COL6A3: variants seen among roughly 807,000 people sequenced by gnomAD.
COL6A3 encodes the protein collagen alpha-3(VI) chain.
A neutral mutation model predicts 274.1 loss-of-function variants in COL6A3; 137 were observed. The observed-to-expected ratio is 0.50, with a 90% CI of 0.44 to 0.58. COL6A3 has a LOEUF of 0.58. Among genes scored for constraint, COL6A3 ranks in the 20% least tolerant of loss-of-function variants. The pLI is 0.00. For synonymous variants in COL6A3, 1,650 were observed against 1,650.6 expected, an observed-to-expected ratio of 1.00 and a Z score of 0.01; for missense variants, 3,950 against 4,124.9, an observed-to-expected ratio of 0.96 and a Z score of 1.16.
rs776270797 is a variant in COL6A3, at chr2:237,381,254, C to T, written c.1558G>A (p.Gly520Ser). Residue 520 changes from glycine (G) to serine (S), a missense_variant, in exon 5 of 44, where the codon GGC becomes AGC. This residue lies in a region of COL6A3 where 1,934 missense variants were observed against 1,984.3 expected (regional missense o/e 0.97). Coordinates refer to ENST00000295550, the MANE Select transcript of COL6A3 (RefSeq NM_004369.4). ...TAVRKMKPLD[G>S]SALYTGSALD... ...GCAGAGCCCGTGTACAGGGCCGAGC[C>T]GTCCAGGGGCTTCATTTTCCGCACA... 15 of 1,614,110 alleles carry T rather than the reference C, an allele frequency of 9.3e-6. No individual in the cohort carries two copies. The highest frequency in any genetic ancestry group is 6.7e-5 in the African/African-American group (5 of 74,946).
chr2:237,327,646 G>A (rs1700020834), intron 42 of COL6A3: 1 of 152,144 alleles, frequency 6.6e-6, no homozygotes, highest in South Asian at 2.1e-4. Flanking sequence ...ATATTAGTGA[G>A]GTGAGAACCC....
At position 237,380,991 on chromosome 2, in the gene COL6A3, C is replaced by T. The variant is rs1247945663; in HGVS notation, c.1821G>A (p.Glu607=). The T allele has an allele frequency of 6.2e-7, 1 of 1,614,214 alleles. No individual in the cohort carries two copies. The highest frequency in any genetic ancestry group is 1.7e-5 in the Admixed American group (1 of 60,024). Residue 607 remains glutamate (E), a synonymous_variant, in exon 5 of 44, where the codon GAG becomes GAA. Coordinates refer to ENST00000295550, the MANE Select transcript of COL6A3 (RefSeq NM_004369.4). ...FDSSLVFIPA[E]FRAAPLQGML... ...TGCCTTGCAATGGGGCGGCTCGGAA[C>T]TCAGCTGGGATGAACACCAGGGAGG...
chr2:237,372,375 T>G (rs753250121), intron 8 of COL6A3, 38 bp from the exon 9 acceptor site: 1 of 1,600,428 alleles, frequency 6.2e-7, no homozygotes, highest in South Asian at 1.1e-5. Context: ...ACCTTCATCG[T>G]CACCAAATTC....
At chr2:237,359,467 TC>T in intron 17 of COL6A3, 79 bp from the exon 18 acceptor site, 1 of 1,409,196 alleles carries the variant, frequency 7.1e-7, no homozygotes, top group Non-Finnish European at 1.0e-6. Flanking sequence ...CAAGGGCTGT[TC>T]CCCCACTCCA....
rs1052919399 is a variant in COL6A3 at position 237,407,855 on chromosome 2, T to C, written c.-31+6098A>G. On this transcript the variant is annotated intron_variant, in intron 1 of 43. Coordinates refer to ENST00000295550, the MANE Select transcript of COL6A3 (RefSeq NM_004369.4). This position sits in a 1 kb window ranked among gnomAD's most constrained non-coding sequence, Gnocchi z 4.3. The stretch of plus-strand genomic sequence containing the variant: ...GGCAGAGACTAGTTCCATTTCAACA[T>C]TAAAGAAGAAAGGTGCATTAGAAAA... Among the ~76,000 whole-genome samples, 5 of 152,200 alleles carry C rather than the reference T, an allele frequency of 3.3e-5. No homozygotes were observed. Among genetic ancestry groups the C allele is most frequent in the Admixed American group, 3.3e-4 (5 of 15,288 alleles).
chr2:237,333,395 T>C, intron 42 of COL6A3, 55 bp downstream of exon 42: 1 of 1,521,628 alleles, frequency 6.6e-7, no homozygotes, highest in African/African-American at 1.4e-5. Context: ...TAAATTGGAA[T>C]CAAGATGGGT....
rs370085973 is a variant in COL6A3 at position 237,381,096 on chromosome 2, C to T, written c.1716G>A (p.Leu572=). The part of the protein sequence containing the change: ...LDEISQPAQE[L]KRSSIMAFAI... ...CAAAGGCCATTATGCTGCTTCTCTT[C>T]AGCTCCTGGGCAGGCTGGCTGATTT... is the stretch of plus-strand genomic sequence containing the variant. The change falls in exon 5 of 44, where the codon CTG becomes CTA. Residue 572 remains leucine, a synonymous_variant. Coordinates refer to ENST00000295550, the MANE Select transcript of COL6A3 (RefSeq NM_004369.4). 6.2e-7 allele frequency: 1 copy of T among 1,614,142 alleles called. No individual in the cohort carries two copies. The highest frequency in any genetic ancestry group is 1.3e-5 in the African/African-American group (1 of 74,958).
intron 24 of COL6A3, among the ~76,000 whole-genome samples, chr2:237,354,087 C>G (rs887938443): frequency 8.6e-5 from 13 of 151,418 alleles, no homozygotes; most frequent in Admixed American, 6.6e-5. Flanking sequence ...TCTTGGCTCA[C>G]TGCAACCTCT....
rs115757876 is a variant in COL6A3 at position 237,340,819 on chromosome 2, C to T, written c.8097G>A (p.Val2699=). The T allele has an allele frequency of 1.2e-4, 197 of 1,614,200 alleles. 1 individual carries two copies. In the East Asian group the frequency reaches 4.1e-3, roughly 34 times the overall value. The part of the protein sequence containing the change: ...LTDYGSKEKL[V]DFLSRGMTQL... Reference sequence around the variant, plus strand: ...GTGTCATTCCCCTGCTGAGGAAGTCCACCAGCTTCTCCTTGGAGCCATAGT... The same window carrying T: ...GTGTCATTCCCCTGCTGAGGAAGTCTACCAGCTTCTCCTTGGAGCCATAGT... Residue 2699 remains valine, a synonymous_variant, in exon 38 of 44, where the codon GTG becomes GTA. Coordinates refer to ENST00000295550, the MANE Select transcript of COL6A3 (RefSeq NM_004369.4).
chr2:237,392,821 CCT>C (rs2078325938), intron 3 of COL6A3, among the ~76,000 whole-genome samples: 1 of 152,188 alleles, frequency 6.6e-6, no homozygotes, highest in Non-Finnish European at 1.5e-5. Context: ...TGAGCACCAC[CCT>C]CTCTGGTTTC....
At chr2:237,410,628 AAATGGACTATAAGACCAG>A in intron 1 of COL6A3, among the ~76,000 whole-genome samples, 1 of 152,192 alleles carries the variant, frequency 6.6e-6, no homozygotes, top group East Asian at 1.9e-4. Context: ...CTCTTTCCCA[AAATGGACTATAAGACCAG>A]AATGTATTAA....
At chr2:237,386,289 G>A (rs1449315325) in intron 4 of COL6A3, among the ~76,000 whole-genome samples, 1 of 152,158 alleles carries the variant, frequency 6.6e-6, no homozygotes, top group Non-Finnish European at 1.5e-5. Flanking sequence ...AGATAGTGAT[G>A]TTTTTAATTA....
chr2:237,357,524 C>T (rs538286539), intron 22 of COL6A3, 133 bp from the exon 23 acceptor site: 6 of 907,212 alleles, frequency 6.6e-6, no homozygotes, highest in South Asian at 2.6e-5. Flanking sequence ...CAGTTGCACA[C>T]TTTGCAGGAT....
At position 237,381,188 on chromosome 2, in the gene COL6A3, C is replaced by G. The variant is rs756045079; in HGVS notation, c.1624G>C (p.Gly542Arg). 1 of 1,614,252 alleles carries G rather than the reference C, an allele frequency of 6.2e-7. No homozygotes were observed. The highest frequency in any genetic ancestry group is 1.1e-5 in the South Asian group (1 of 91,088). The change falls in exon 5 of 44, where the codon GGC becomes CGC. Residue 542 changes from glycine to arginine, a missense_variant. Coordinates refer to ENST00000295550, the MANE Select transcript of COL6A3 (RefSeq NM_004369.4). ...VRNNLFTSSA[G>R]YRAAEGIPKL... The stretch of plus-strand genomic sequence containing the variant: ...GGAATCCCCTCGGCAGCCCGGTAGC[C>G]GGCTGAACTCGTGAATAGGTTGTTA...
At chr2:237,384,172 G>T (rs1456554165) in intron 4 of COL6A3, among the ~76,000 whole-genome samples, 1 of 152,032 alleles carries the variant, frequency 6.6e-6, no homozygotes, top group Non-Finnish European at 1.5e-5. Context: ...TTTCTCTGGG[G>T]GCTGCACCAT....
At chr2:237,342,381 G>A (rs932332317) in intron 36 of COL6A3, 54 of 566,722 alleles carry the variant, frequency 9.5e-5, no homozygotes, top group Middle Eastern at 4.6e-4. Flanking sequence ...TTCATATCCC[G>A]TTCAAATGGG....
intron 1 of COL6A3, among the ~76,000 whole-genome samples, chr2:237,401,649 C>A (rs2078592381): frequency 6.6e-6 from 1 of 151,868 alleles, no homozygotes; most frequent in African/African-American, 2.4e-5. Context: ...TCCTACAGTT[C>A]TCCTAGGACT....
At position 237,388,026 on chromosome 2, in the gene COL6A3, G is replaced by T. The variant is rs1219165327; in HGVS notation, c.868C>A (p.Pro290Thr). 6.2e-7 allele frequency: 1 copy of T among 1,614,150 alleles called. No individual in the cohort carries two copies. Among genetic ancestry groups the T allele is most frequent in the Admixed American group, 1.7e-5 (1 of 60,010 alleles). Residue 290 changes from proline to threonine, a missense_variant, in exon 4 of 44, where the codon CCC (proline) becomes ACC (threonine). Coordinates refer to ENST00000295550, the MANE Select transcript of COL6A3 (RefSeq NM_004369.4). ...GTGTCCAAGGAGAACATGGTTCTGG[G>T]CTCATCGCTAAACTGGACCACCCCC... Reference protein sequence around the residue: ...RVGVVQFSDEPRTMFSLDTYS... With the variant: ...RVGVVQFSDETRTMFSLDTYS...
rs541502471 is a variant in COL6A3, at chr2:237,400,328, G to A, written c.-30-3481C>T. ...TAAAACTCCAAATGCTTACAGATTG[G>A]TTTTATATCCCCTGCATCAGGAATA... On this transcript the variant is annotated intron_variant, in intron 1 of 43. Transcript: ENST00000295550. 7.2e-5 allele frequency among the ~76,000 whole-genome samples: 11 copies of A among 152,208 alleles called. No individual in the cohort carries two copies. In the South Asian group the frequency reaches 2.1e-3, roughly 29 times the overall value.
Sources: allele counts gnomAD v4.1 joint callset (sites outside exome capture counted in the v4.1 genomes callset), GRCh38; gene constraint gnomAD v4.1.1; regional missense constraint gnomAD v4.1.1; non-coding constraint Gnocchi (gnomAD v3.1); transcripts MANE v1.5; gene names NCBI Gene and HGNC (gene_info 2026-07-23, HGNC 2026-07-21).